Variants in BFSP2 observed in about 807,000 individuals in gnomAD.
BFSP2 encodes phakinin.
BFSP2 carries 38 observed loss-of-function variants against 44.9 expected under a neutral mutation model. That is an observed-to-expected ratio of 0.85 (90% CI 0.65 to 1.11). BFSP2 has a LOEUF of 1.11. Among genes scored for constraint, BFSP2 ranks in the 50% least tolerant of loss-of-function variants. BFSP2 has a pLI of 0.00. For synonymous variants in BFSP2, 197 were observed against 209.9 expected (o/e 0.94, Z 0.53); for missense variants, 525 against 533.0 (o/e 0.99, Z 0.15).
At chr3:133,454,745 G>A (rs2073997899) in intron 4 of BFSP2, among the ~76,000 whole-genome samples, 1 of 152,084 alleles carries the variant, frequency 6.6e-6, no homozygotes, top group African/African-American at 2.4e-5. Context: ...TGTGAGAAGG[G>A]GCACAGAGTC....
At chr3:133,474,893 T>C in intron 6 of BFSP2, 76 bp from the exon 7 acceptor site, 1 of 1,577,330 alleles carries the variant, frequency 6.3e-7, no homozygotes, top group Non-Finnish European at 8.7e-7. Flanking sequence ...ATGGCCCCCT[T>C]TCTCGTAATC....
intron 1 of BFSP2, 143 bp from the exon 2 acceptor site, chr3:133,447,174 G>A: frequency 1.2e-5 from 9 of 761,914 alleles, no homozygotes; most frequent in South Asian, 9.5e-5. Flanking sequence ...CAAAGAGAGG[G>A]ACATCTTAAT....
chr3:133,442,668 A>C (rs976191372), intron 1 of BFSP2, among the ~76,000 whole-genome samples: 1 of 152,064 alleles, frequency 6.6e-6, no homozygotes, highest in Non-Finnish European at 1.5e-5. Context: ...AGAGAGAAAT[A>C]AATGGATTTG....
chr3:133,472,376 C>T lies in BFSP2; in HGVS notation c.1055C>T (p.Ala352Val). ...GGCCTGGAGAACACCTTGCACGATG[C>T]CAAGCACTGGCATGACATGGAGCTC... ...KRGLENTLHDAKHWHDMELQN... is the reference protein window; with the variant it reads ...KRGLENTLHDVKHWHDMELQN... Residue 352 changes from alanine (A) to valine (V), a missense_variant, in exon 6 of 7, where the codon GCC becomes GTC. Transcript: ENST00000302334. 6.2e-7 allele frequency: 1 copy of T among 1,613,676 alleles called. No individual in the cohort carries two copies. Among genetic ancestry groups the T allele is most frequent in the Non-Finnish European group, 8.5e-7 (1 of 1,179,988 alleles).
intron 1 of BFSP2, among the ~76,000 whole-genome samples, chr3:133,431,041 C>G (rs2073711155): frequency 6.7e-6 from 1 of 148,942 alleles, no homozygotes; most frequent in African/African-American, 2.4e-5. Flanking sequence ...CGTTTAGGCT[C>G]TTTTTCATCA....
chr3:133,427,119 A>G (rs1261281598), intron 1 of BFSP2, among the ~76,000 whole-genome samples: 1 of 152,198 alleles, frequency 6.6e-6, no homozygotes, highest in Non-Finnish European at 1.5e-5. Flanking sequence ...AGAAACAACA[A>G]TTTATTCAAA....
At chr3:133,419,320 T>C (rs2073572098) in intron 1 of BFSP2, among the ~76,000 whole-genome samples, 1 of 152,210 alleles carries the variant, frequency 6.6e-6, no homozygotes, top group Non-Finnish European at 1.5e-5. Context: ...ATTCAGCCCG[T>C]AATACCCATT....
intron 1 of BFSP2, among the ~76,000 whole-genome samples, chr3:133,432,904 G>C (rs1442856667): frequency 2.6e-5 from 4 of 152,170 alleles, no homozygotes; most frequent in Non-Finnish European, 4.4e-5. Flanking sequence ...TGACCTTACT[G>C]TTTTAGCCTA....
At chr3:133,463,215 A>G (rs2074079882) in intron 4 of BFSP2, among the ~76,000 whole-genome samples, 1 of 152,162 alleles carries the variant, frequency 6.6e-6, no homozygotes, top group Non-Finnish European at 1.5e-5. Flanking sequence ...AGGCTGAGGC[A>G]GGAGAATTGC....
intron 1 of BFSP2, among the ~76,000 whole-genome samples, chr3:133,438,262 C>T (rs77495990): frequency 0.11 from 16,835 of 152,308 alleles, 1,144 homozygotes; most frequent in East Asian, 0.29. Flanking sequence ...CACGGTGGCT[C>T]ATGCCTTTAA....
At chr3:133,421,165 A>G (rs763434668) in intron 1 of BFSP2, among the ~76,000 whole-genome samples, 10 of 152,240 alleles carry the variant, frequency 6.6e-5, no homozygotes, top group Non-Finnish European at 1.5e-4. Flanking sequence ...ACATAGATGC[A>G]TGATAAATAT....
chr3:133,420,202 A>G (rs909765544), intron 1 of BFSP2, among the ~76,000 whole-genome samples: 2 of 152,042 alleles, frequency 1.3e-5, no homozygotes, highest in Admixed American at 6.5e-5. Context: ...AGGAAAAGGG[A>G]GTTGGGAGGG....
intron 6 of BFSP2, among the ~76,000 whole-genome samples, chr3:133,473,674 T>C (rs1157672821): frequency 6.6e-6 from 1 of 151,286 alleles, no homozygotes; most frequent in African/African-American, 2.4e-5. Flanking sequence ...ACGAGCATGC[T>C]GCCTTCAAGC....
At chr3:133,455,593 C>G (rs2074006293) in intron 4 of BFSP2, 1 of 152,192 alleles carries the variant, frequency 6.6e-6, no homozygotes. Flanking sequence ...GTCAAAATCT[C>G]TTCATCCTTG....
chr3:133,420,472 A>C (rs939899062), intron 1 of BFSP2, among the ~76,000 whole-genome samples: 1 of 152,150 alleles, frequency 6.6e-6, no homozygotes, highest in Non-Finnish European at 1.5e-5. Flanking sequence ...GTCCAGATAG[A>C]ATCACCGCGT....
At chr3:133,427,340 A>G (rs2073663311) in intron 1 of BFSP2, among the ~76,000 whole-genome samples, 1 of 152,242 alleles carries the variant, frequency 6.6e-6, no homozygotes. Context: ...GCCTCCCTTT[A>G]GAATAAGCAG....
chr3:133,414,945 ACCCTGCCATCTCCCCTCTACTC>A (rs2073500973), intron 1 of BFSP2, among the ~76,000 whole-genome samples: 1 of 23,604 alleles, frequency 4.2e-5, no homozygotes, highest in Non-Finnish European at 8.4e-5. Flanking sequence ...CCCTCTACTC[ACCCTGCCATCTCCCCTCTACTC>A]ACCCCTGCCA....
In BFSP2 at chr3:133,467,082, C is replaced by T. The variant is rs2074117650; in HGVS notation, c.1023+123C>T. On this transcript the variant is annotated intron_variant, in intron 5 of 6. Transcript: ENST00000302334. ...ATCTCACAGCATATGAGTTTTGAGG[C>T]CTGAAATGTCTTCTGACTCCCAAGG... is the stretch of plus-strand genomic sequence containing the variant. The T allele has an allele frequency of 1.3e-5, 17 of 1,340,988 alleles. No homozygotes were observed. The South Asian group carries it at 2.1e-4, about 17-fold the overall frequency. The allele number at this position is 1,340,988 out of a possible 1,614,324, so 83.1% of individuals were successfully genotyped here. A position where few individuals can be genotyped will look rare whatever the true frequency, so the allele number is the denominator to read the frequency against.
At position 133,472,457 on chromosome 3, in the gene BFSP2, C is replaced by G; in HGVS notation, c.1136C>G (p.Ala379Gly). ...RLEAELREIR[A>G]EAEQQQQERA... ...GAGGCGGAGCTCAGGGAAATCCGAG[C>G]GGAGGCGGAGCAGCAGCAACAGGAG... The change falls in exon 6 of 7, where the codon GCG (alanine) becomes GGG (glycine). Residue 379 changes from alanine (A) to glycine (G), a missense_variant. Coordinates refer to ENST00000302334, the MANE Select transcript of BFSP2 (RefSeq NM_003571.4). 6.2e-7 allele frequency: 1 copy of G among 1,613,994 alleles called. No homozygotes were observed. Among genetic ancestry groups the G allele is most frequent in the South Asian group, 1.1e-5 (1 of 91,070 alleles).
Sources: allele counts gnomAD v4.1 joint callset (sites outside exome capture counted in the v4.1 genomes callset), GRCh38; gene constraint gnomAD v4.1.1; transcripts MANE v1.5; gene names NCBI Gene and HGNC (gene_info 2026-07-23, HGNC 2026-07-21).